ZNF862: variants seen among roughly 807,000 people sequenced by gnomAD.
ZNF862 encodes zinc finger protein 862.
ZNF862 carries 64 observed loss-of-function variants against 91.1 expected under a neutral mutation model. The observed-to-expected ratio is 0.70, with a 90% CI of 0.57 to 0.87. The LOEUF (loss-of-function observed/expected upper bound fraction) is 0.87, where lower values mean the gene tolerates loss of function less well. Among genes scored for constraint, ZNF862 ranks in the 40% least tolerant of loss-of-function variants. The probability of loss-of-function intolerance (pLI) is 0.00; values close to 1 mark genes in which losing one functional copy is unlikely to be tolerated. For synonymous variants in ZNF862, 631 were observed against 618.1 expected (o/e 1.02, Z -0.31); for missense variants, 1,459 against 1,528.0 (o/e 0.95, Z 0.75).
Position 149,860,368 on chromosome 7 carries a change from C to T in ZNF862, c.1223-15C>T, listed in dbSNP as rs1802418678. The T allele has an allele frequency of 1.9e-6, 3 of 1,594,508 alleles. No homozygotes were observed. The highest frequency in any genetic ancestry group is 3.4e-4 in the Middle Eastern group (2 of 5,956). The stretch of plus-strand genomic sequence containing the variant: ...CTGGGTAGCAGAACCAAGCATGATT[C>T]AATTTTCTCCAAAGGGAACAAGAAG... On this transcript the variant is annotated splice_polypyrimidine_tract_variant and intron_variant, in intron 6 of 7. Transcript: ENST00000223210.
chr7:149,853,203 A>G (rs1241651101), intron 5 of ZNF862, among the ~76,000 whole-genome samples: 1 of 152,036 alleles, frequency 6.6e-6, no homozygotes, highest in East Asian at 1.9e-4. Flanking sequence ...GATTACAGGC[A>G]CACGCACTGC....
intron 5 of ZNF862, chr7:149,852,414 G>C (rs1802099400): frequency 6.6e-6 from 1 of 151,838 alleles, no homozygotes; most frequent in Admixed American, 6.6e-5. Flanking sequence ...TGTCACCCAG[G>C]CTGGAGTGCA....
chr7:149,844,786 C>A, intron 2 of ZNF862, 50 bp downstream of exon 2: 1 of 1,258,170 alleles, frequency 7.9e-7, no homozygotes, highest in Non-Finnish European at 1.1e-6. Flanking sequence ...GATCGGCATT[C>A]CCAACCTCAT....
Position 149,861,631 on chromosome 7 carries a change from G to C in ZNF862, c.2471G>C (p.Arg824Pro), listed in dbSNP as rs762706888. 3.5e-5 allele frequency: 56 copies of C among 1,604,166 alleles called. No homozygotes were observed. The highest frequency in any genetic ancestry group is 4.7e-5 in the Non-Finnish European group (55 of 1,177,142). Residue 824 changes from arginine to proline, a missense_variant, in exon 7 of 8, where the codon CGG becomes CCG. Physicochemically the swap from Arg to Pro is moderately radical, Grantham distance 103. Coordinates refer to ENST00000223210, the MANE Select transcript of ZNF862 (RefSeq NM_001099220.3). The surrounding 1 kb of genome is among the most constrained non-coding windows in gnomAD (Gnocchi z 6.7). ...VAEAGGQIGH[R>P]AKGMLKLMRG... ...GAGGCTGGGGGCCAGATTGGGCACC[G>C]GGCCAAAGGGATGCTGAAGCTCATG...
chr7:149,863,995 T>C lies in ZNF862; in HGVS notation c.3335-114T>C, dbSNP rs1802617369. ...GGGCTGCAAAGAGCAGTCGTGGTCC[T>C]GACTTCAGTCTGTTCTGCCAAGCTT... On this transcript the variant is annotated intron_variant, in intron 7 of 7. Transcript: ENST00000223210. 5 of 1,095,676 alleles carry C rather than the reference T, an allele frequency of 4.6e-6. No homozygotes were observed. In the East Asian group the frequency reaches 1.0e-4, roughly 23 times the overall value. 67.9% of individuals were successfully genotyped at this position (1,095,676 alleles called of 1,614,324 possible). A position where few individuals can be genotyped will look rare whatever the true frequency, so the allele number is the denominator to read the frequency against.
chr7:149,850,081 G>C lies in ZNF862; in HGVS notation c.940-80G>C. The C allele has an allele frequency of 4.1e-6, 6 of 1,461,924 alleles. No homozygotes were observed. The highest frequency in any genetic ancestry group is 5.6e-6 in the Non-Finnish European group (6 of 1,068,802). 90.6% of individuals were successfully genotyped at this position (1,461,924 alleles called of 1,614,324 possible). On this transcript the variant is annotated intron_variant, in intron 4 of 7. Transcript: ENST00000223210. The surrounding 1 kb of genome is among the most constrained non-coding windows in gnomAD (Gnocchi z 4.2). ...TTGGTGAGCTTCCCAGGAGAAATAG[G>C]GCTTCCAAAGGCCCCAGAAGTGTCA... is the stretch of plus-strand genomic sequence containing the variant.
rs376154348 is a variant in ZNF862, at chr7:149,861,837, T to C, written c.2677T>C (p.Phe893Leu). The change falls in exon 7 of 8, where the codon TTC (phenylalanine) becomes CTC (leucine). Residue 893 changes from phenylalanine to leucine, a missense_variant. Coordinates refer to ENST00000223210, the MANE Select transcript of ZNF862 (RefSeq NM_001099220.3). The surrounding 1 kb of genome is among the most constrained non-coding windows in gnomAD (Gnocchi z 6.7). ...CCAGGCAGGGCCCAAAGAGGAAGAA[T>C]TCAACGCCAGCTTCAAGGATGGGCG... ...RHQAGPKEEE[F>L]NASFKDGRLH... is the part of the protein sequence containing the mutation. 2.2e-5 allele frequency: 36 copies of C among 1,613,476 alleles called. No individual in the cohort carries two copies. The highest frequency in any genetic ancestry group is 2.9e-5 in the Non-Finnish European group (34 of 1,179,886).
At chr7:149,852,295 A>C (rs1802089941) in intron 5 of ZNF862, 1 of 150,510 alleles carries the variant, frequency 6.6e-6, no homozygotes, top group African/African-American at 2.5e-5. Context: ...ATTTTGCATT[A>C]TCTTTTAATA....
At chr7:149,859,136 C>T (rs986420345) in intron 5 of ZNF862, 2 of 472,666 alleles carry the variant, frequency 4.2e-6, no homozygotes, top group South Asian at 2.1e-5. Context: ...CTGCCTCTCT[C>T]TCCTGCTTAG....
In ZNF862 at chr7:149,864,453, C is replaced by T; in HGVS notation, c.*169C>T. On this transcript the variant is annotated 3_prime_UTR_variant, in exon 8 of 8. Coordinates refer to ENST00000223210, the MANE Select transcript of ZNF862 (RefSeq NM_001099220.3). Reference sequence around the variant, plus strand: ...GCAGGGGTATCAGGAGGTGCATGACCTGTTTCCTGAGGCCCCACTCAGCAC... The same window carrying T: ...GCAGGGGTATCAGGAGGTGCATGACTTGTTTCCTGAGGCCCCACTCAGCAC... The T allele has an allele frequency of 1.5e-6, 1 of 658,892 alleles. No homozygotes were observed. Among genetic ancestry groups the T allele is most frequent in the Non-Finnish European group, 2.5e-6 (1 of 394,590 alleles). 40.8% of individuals were successfully genotyped at this position (658,892 alleles called of 1,614,324 possible).
chr7:149,845,505 A>G (rs956630530), intron 2 of ZNF862, among the ~76,000 whole-genome samples: 2 of 152,208 alleles, frequency 1.3e-5, no homozygotes, highest in African/African-American at 4.8e-5. Flanking sequence ...TGTGCCGGCT[A>G]AAAGAGTTTG....
chr7:149,862,411 T>C lies in ZNF862; in HGVS notation c.3251T>C (p.Ile1084Thr). 6.2e-7 allele frequency: 1 copy of C among 1,612,630 alleles called. No homozygotes were observed. The highest frequency in any genetic ancestry group is 8.5e-7 in the Non-Finnish European group (1 of 1,179,680). Residue 1084 changes from isoleucine to threonine, a missense_variant, in exon 7 of 8, where the codon ATC (isoleucine) becomes ACC (threonine). Transcript: ENST00000223210. ...AVTEYDPQPA[I>T]QHWYLTSSGR... ...ACGGAGTACGACCCCCAGCCCGCCATCCAGCACTGGTACCTGACCTCCTCA... is the reference window on the plus strand; with the variant it reads ...ACGGAGTACGACCCCCAGCCCGCCACCCAGCACTGGTACCTGACCTCCTCA...
In ZNF862 at chr7:149,860,575, A is replaced by G; in HGVS notation, c.1415A>G (p.Gln472Arg). The change falls in exon 7 of 8, where the codon CAG becomes CGG. Residue 472 changes from glutamine (Q) to arginine (R), a missense_variant. By Grantham distance (43) the Gln-to-Arg change is conservative. Coordinates refer to ENST00000223210, the MANE Select transcript of ZNF862 (RefSeq NM_001099220.3). ...PRSIQRSWFG[Q>R]FPWLVIDPKE... ...TCCATTCAGAGGTCATGGTTTGGGCAGTTCCCATGGTTAGTAATTGACCCC... is the reference window on the plus strand; with the variant it reads ...TCCATTCAGAGGTCATGGTTTGGGCGGTTCCCATGGTTAGTAATTGACCCC... 1 of 1,614,034 alleles carries G rather than the reference A, an allele frequency of 6.2e-7. No individual in the cohort carries two copies. The highest frequency in any genetic ancestry group is 8.5e-7 in the Non-Finnish European group (1 of 1,179,890).
intron 5 of ZNF862, among the ~76,000 whole-genome samples, chr7:149,853,728 G>A (rs889023173): frequency 6.6e-6 from 1 of 151,986 alleles, no homozygotes; most frequent in East Asian, 1.9e-4. Context: ...ACCTGAGGTC[G>A]GGAGTTCGAG....
At chr7:149,839,144 A>G (rs1024866128) in intron 1 of ZNF862, among the ~76,000 whole-genome samples, 2 of 152,190 alleles carry the variant, frequency 1.3e-5, no homozygotes, top group Admixed American at 1.3e-4. Flanking sequence ...CATTGCTTAG[A>G]AACCTGTGTC....
chr7:149,850,196 TGTGGTGTTTGAGGAGCTGCCG>T lies in ZNF862; in HGVS notation c.984_1004del (p.Glu330_Glu336del). The T allele has an allele frequency of 6.3e-7, 1 of 1,592,726 alleles. No homozygotes were observed. Among genetic ancestry groups the T allele is most frequent in the Non-Finnish European group, 8.5e-7 (1 of 1,169,604 alleles). On this transcript the variant is annotated inframe_deletion, in exon 5 of 8. Coordinates refer to ENST00000223210, the MANE Select transcript of ZNF862 (RefSeq NM_001099220.3). The surrounding 1 kb of genome is among the most constrained non-coding windows in gnomAD (Gnocchi z 4.2). ...CAGAGGGGCTGTCGGAGGAGGTTCCTGTGGTGTTTGAGGAGCTGCCGGTGGTGTTCGAGGATGTGGCAGTGT... is the reference window on the plus strand; with the variant it reads ...CAGAGGGGCTGTCGGAGGAGGTTCCTGTGGTGTTCGAGGATGTGGCAGTGT...
Position 149,848,293 on chromosome 7 carries a change from A to G in ZNF862, c.800A>G (p.Asp267Gly). 5.6e-6 allele frequency: 9 copies of G among 1,609,716 alleles called. No individual in the cohort carries two copies. The highest frequency in any genetic ancestry group is 7.6e-6 in the Non-Finnish European group (9 of 1,177,848). The part of the protein sequence containing the change: ...LLPSSRAELE[D>G]PGGDGAIPAM... ...CCAAGTTCAAGAGCTGAACTAGAGG[A>G]CCCTGGGGGGGATGGAGCAATTCCT... The change falls in exon 4 of 8, where the codon GAC (aspartate) becomes GGC (glycine). Residue 267 changes from aspartate (D) to glycine (G), a missense_variant. Physicochemically the swap from Asp to Gly is moderately conservative, Grantham distance 94. Coordinates refer to ENST00000223210, the MANE Select transcript of ZNF862 (RefSeq NM_001099220.3).
intron 7 of ZNF862, among the ~76,000 whole-genome samples, chr7:149,862,908 G>A (rs1004012218): frequency 8.5e-5 from 13 of 152,254 alleles, no homozygotes; most frequent in African/African-American, 3.1e-4. Context: ...GACCACTGCT[G>A]GGAGTAAGGA....
At chr7:149,848,470 A>C (rs1283098703) in intron 4 of ZNF862, 38 bp downstream of exon 4, 2 of 1,426,082 alleles carry the variant, frequency 1.4e-6, no homozygotes, top group Non-Finnish European at 1.9e-6. Context: ...CTTACAGAGA[A>C]GGATTCTATA....
Sources: allele counts gnomAD v4.1 joint callset (sites outside exome capture counted in the v4.1 genomes callset), GRCh38; gene constraint gnomAD v4.1.1; non-coding constraint Gnocchi (gnomAD v3.1); transcripts MANE v1.5; gene names NCBI Gene and HGNC (gene_info 2026-07-23, HGNC 2026-07-21).